The following SNPH variants were observed in gnomAD, a reference collection of about 807,000 sequenced individuals.
SNPH encodes syntaphilin.
In SNPH, 10 loss-of-function variants were observed where a neutral mutation model predicts 36.8. The observed-to-expected ratio is 0.27, with a 90% CI of 0.17 to 0.46. The LOEUF (loss-of-function observed/expected upper bound fraction) is 0.46. SNPH is among the 20% of genes least tolerant of loss of function. SNPH has a pLI of 1.00. For synonymous variants in SNPH, 281 were observed against 312.2 expected, an observed-to-expected ratio of 0.90 and a Z score of 1.05; for missense variants, 622 against 744.0, an observed-to-expected ratio of 0.84 and a Z score of 1.91.
rs374119363 is a variant in SNPH at position 1,296,479 on chromosome 20, G to T, written c.182+58G>T. The T allele has an allele frequency of 6.4e-5, 94 of 1,459,432 alleles. No individual in the cohort carries two copies. In the African/African-American group the frequency reaches 1.1e-3, roughly 17 times the overall value. 90.4% of individuals were successfully genotyped at this position (1,459,432 alleles called of 1,614,324 possible). A position where few individuals can be genotyped will look rare whatever the true frequency, so the allele number is the denominator to read the frequency against. ...CGGAGGGCGGGAGGAGGGCGCACGG[G>T]CCTCTCTCTACCTGCCACCAACTTG... On this transcript the variant is annotated intron_variant, in intron 4 of 6. Coordinates refer to ENST00000381867, the MANE Select transcript of SNPH (RefSeq NM_001318234.2).
intron 2 of SNPH, among the ~76,000 whole-genome samples, chr20:1,274,417 C>T (rs539594743): frequency 6.6e-6 from 1 of 151,830 alleles, no homozygotes; most frequent in Admixed American, 6.6e-5. Flanking sequence ...GCTGGCACCT[C>T]ATCTCTGGGC....
At chr20:1,286,089 T>TAAAAAAA (rs11475556) in intron 2 of SNPH, among the ~76,000 whole-genome samples, 1 of 100,498 alleles carries the variant, frequency 1.0e-5, no homozygotes, top group Admixed American at 1.2e-4. Flanking sequence ...GACTCCATCT[T>TAAAAAAA]AAAAAAAAAA....
At chr20:1,302,744 C>T (rs940737232) in intron 6 of SNPH, among the ~76,000 whole-genome samples, 5 of 152,250 alleles carry the variant, frequency 3.3e-5, no homozygotes, top group Middle Eastern at 3.2e-3. Flanking sequence ...ATGACCACAT[C>T]GTTCTTGACC....
chr20:1,296,371 C>T lies in SNPH; in HGVS notation c.132C>T (p.Leu44=), dbSNP rs2088434730. ...PIPPLTRTHS[L]MAMSLPGSRR... is the part of the protein sequence containing the mutation. The stretch of plus-strand genomic sequence containing the variant: ...CACCCCTTACTCGGACCCACAGCCT[C>T]ATGGCCATGTCCCTGCCAGGAAGTA... Residue 44 remains leucine (L), a synonymous_variant, in exon 4 of 7, where the codon CTC becomes CTT. Transcript: ENST00000381867. 1 of 1,604,582 alleles carries T rather than the reference C, an allele frequency of 6.2e-7. No homozygotes were observed. Among genetic ancestry groups the T allele is most frequent in the East Asian group, 2.3e-5 (1 of 43,664 alleles).
At chr20:1,270,728 A>G (rs780683865) in intron 2 of SNPH, among the ~76,000 whole-genome samples, 1 of 152,172 alleles carries the variant, frequency 6.6e-6, no homozygotes, top group Non-Finnish European at 1.5e-5. Flanking sequence ...TGTGCCTATA[A>G]TCATCTGATA....
intron 2 of SNPH, among the ~76,000 whole-genome samples, chr20:1,290,836 C>T (rs1447077711): frequency 6.6e-6 from 1 of 152,246 alleles, no homozygotes; most frequent in Non-Finnish European, 1.5e-5. Flanking sequence ...TCCAACTTCT[C>T]CACATCCTTG....
chr20:1,277,919 CTG>C (rs538614375), intron 2 of SNPH, among the ~76,000 whole-genome samples: 10 of 126,246 alleles, frequency 7.9e-5, no homozygotes, highest in African/African-American at 1.5e-4. Context: ...GTGTGTGTGC[CTG>C]TGTGTGTCTG....
At chr20:1,283,519 G>A (rs139133400) in intron 2 of SNPH, among the ~76,000 whole-genome samples, 38 of 152,336 alleles carry the variant, frequency 2.5e-4, no homozygotes, top group African/African-American at 8.7e-4. Context: ...TGCCATGCAG[G>A]AATGCAGGCA....
In SNPH at chr20:1,296,195, G is replaced by A. The variant is rs1169804981; in HGVS notation, c.-45G>A. 6.9e-7 allele frequency: 1 copy of A among 1,453,368 alleles called. No individual in the cohort carries two copies. Among genetic ancestry groups the A allele is most frequent in the South Asian group, 1.4e-5 (1 of 69,776 alleles). 90.0% of individuals were successfully genotyped at this position (1,453,368 alleles called of 1,614,324 possible). ...GGTGGAGGCAGCCGTGGTCTGCCAG[G>A]CCCTCGCTCCTGGGGTGTCCTGCCG... On this transcript the variant is annotated 5_prime_UTR_variant, in exon 4 of 7. Coordinates refer to ENST00000381867, the MANE Select transcript of SNPH (RefSeq NM_001318234.2).
At position 1,304,801 on chromosome 20, in the gene SNPH, C is replaced by T; in HGVS notation, c.441-77C>T. ...GGCCCTTCATCCTTGGCAACAGTGT[C>T]CTCTCCCTGCCTCTCCTTGGCGGTG... On this transcript the variant is annotated intron_variant, in intron 6 of 6. Coordinates refer to ENST00000381867, the MANE Select transcript of SNPH (RefSeq NM_001318234.2). The surrounding 1 kb of genome is among the most constrained non-coding windows in gnomAD (Gnocchi z 4.3). 8.5e-6 allele frequency: 12 copies of T among 1,410,022 alleles called. No homozygotes were observed. Among genetic ancestry groups the T allele is most frequent in the Non-Finnish European group, 1.2e-5 (12 of 1,015,886 alleles). The allele number at this position is 1,410,022 out of a possible 1,614,324, so 87.3% of individuals were successfully genotyped here.
chr20:1,281,979 G>A (rs1196094279), intron 2 of SNPH, among the ~76,000 whole-genome samples: 1 of 152,246 alleles, frequency 6.6e-6, no homozygotes, highest in African/African-American at 2.4e-5. Flanking sequence ...GGTGGAGGGT[G>A]GGGGTGAAGA....
chr20:1,294,136 G>A lies in SNPH; in HGVS notation c.-492-815G>A, dbSNP rs2088398501. ...TTGTTGGTGAAGCCAGGCCGACCTG[G>A]GCCAGAAGCCAGAGCATGTCACACC... On this transcript the variant is annotated intron_variant, in intron 2 of 6. Transcript: ENST00000381867. The surrounding 1 kb of genome is among the most constrained non-coding windows in gnomAD (Gnocchi z 4.4). Among the ~76,000 whole-genome samples, 1 of 152,206 alleles carries A rather than the reference G, an allele frequency of 6.6e-6. No individual in the cohort carries two copies. Among genetic ancestry groups the A allele is most frequent in the Non-Finnish European group, 1.5e-5 (1 of 68,038 alleles).
chr20:1,273,937 C>G (rs1166475683), intron 2 of SNPH, among the ~76,000 whole-genome samples: 1 of 152,150 alleles, frequency 6.6e-6, no homozygotes, highest in Admixed American at 6.5e-5. Context: ...AGATGCCAGT[C>G]TCTTTGGCAT....
Position 1,305,103 on chromosome 20 carries a change from G to T in SNPH, c.666G>T (p.Glu222Asp). The change falls in exon 7 of 7, where the codon GAG (glutamate) becomes GAT (aspartate). Residue 222 changes from glutamate (E) to aspartate (D), a missense_variant. Glu to Asp is a conservative substitution (Grantham distance 45). Coordinates refer to ENST00000381867, the MANE Select transcript of SNPH (RefSeq NM_001318234.2). ...TCAACATCCAGAACAAGAAGCTGGAGACGCTGCTGCACAGCATGGAGGTGG... is the reference window on the plus strand; with the variant it reads ...TCAACATCCAGAACAAGAAGCTGGATACGCTGCTGCACAGCATGGAGGTGG... ...VDINIQNKKL[E>D]TLLHSMEVAQ... The T allele has an allele frequency of 6.2e-7, 1 of 1,613,966 alleles. No homozygotes were observed. The highest frequency in any genetic ancestry group is 8.5e-7 in the Non-Finnish European group (1 of 1,180,038).
chr20:1,305,648 A>ACCCC lies in SNPH; in HGVS notation c.1212_1215dup (p.Asn406ProfsTer11). The ACCCC allele has an allele frequency of 6.2e-7, 1 of 1,613,208 alleles. No individual in the cohort carries two copies. The highest frequency in any genetic ancestry group is 8.5e-7 in the Non-Finnish European group (1 of 1,179,894). On this transcript the variant is annotated frameshift_variant, in exon 7 of 7. Coordinates refer to ENST00000381867, the MANE Select transcript of SNPH (RefSeq NM_001318234.2). LOFTEE classifies it high-confidence loss of function. Reference sequence around the variant, plus strand: ...GATGCCCACCCTTCAGGGCCCAGAGACCCCAACTCAGCAGTGGTGGTGACA... The same window carrying ACCCC: ...GATGCCCACCCTTCAGGGCCCAGAGACCCCCCCCAACTCAGCAGTGGTGGTGACA...
In SNPH at chr20:1,308,189, C is replaced by T. The variant is rs1006268630; in HGVS notation, c.*2135C>T. 2 of 153,180 alleles carry T rather than the reference C, an allele frequency of 1.3e-5. No individual in the cohort carries two copies. The highest frequency in any genetic ancestry group is 2.9e-5 in the Non-Finnish European group (2 of 68,816). 9.5% of individuals were successfully genotyped at this position (153,180 alleles called of 1,614,324 possible). ...GGGCTGGGGCCACAGTCTACTCTGTCTCTGCTGCTAGAGAAGCCACCTGTG... is the reference window on the plus strand; with the variant it reads ...GGGCTGGGGCCACAGTCTACTCTGTTTCTGCTGCTAGAGAAGCCACCTGTG... On this transcript the variant is annotated 3_prime_UTR_variant, in exon 7 of 7. Coordinates refer to ENST00000381867, the MANE Select transcript of SNPH (RefSeq NM_001318234.2).
rs1369070304 is a variant in SNPH at position 1,285,286 on chromosome 20, G to T, written c.-492-9665G>T. On this transcript the variant is annotated intron_variant, in intron 2 of 6. Coordinates refer to ENST00000381867, the MANE Select transcript of SNPH (RefSeq NM_001318234.2). The surrounding 1 kb of genome is among the most constrained non-coding windows in gnomAD (Gnocchi z 4.9). Reference sequence around the variant, plus strand: ...AGTGGCGGTGTCCTGAAATCCTGTTGTTTGGTAGACAATGACCGGTTTAGG... The same window carrying T: ...AGTGGCGGTGTCCTGAAATCCTGTTTTTTGGTAGACAATGACCGGTTTAGG... 2.0e-5 allele frequency among the ~76,000 whole-genome samples: 3 copies of T among 152,178 alleles called. No individual in the cohort carries two copies. The highest frequency in any genetic ancestry group is 2.9e-5 in the Non-Finnish European group (2 of 68,010).
At chr20:1,293,751 G>A (rs2088392639) in intron 2 of SNPH, among the ~76,000 whole-genome samples, 2 of 152,130 alleles carry the variant, frequency 1.3e-5, no homozygotes, top group Non-Finnish European at 2.9e-5. Flanking sequence ...TTAGCTATAC[G>A]CAGGTACAAG....
intron 2 of SNPH, among the ~76,000 whole-genome samples, chr20:1,272,144 C>T (rs143001628): frequency 1.4e-4 from 21 of 152,304 alleles, no homozygotes; most frequent in Admixed American, 1.4e-3. Flanking sequence ...AAACTCACTG[C>T]ATTGTCTGTA....
Sources: gnomAD v4.1 joint callset for allele counts (sites outside exome capture counted in the v4.1 genomes callset) on GRCh38, gnomAD v4.1.1 for gene constraint, Gnocchi (gnomAD v3.1) non-coding constraint, MANE v1.5 for transcripts, NCBI Gene and HGNC (gene_info 2026-07-23, HGNC 2026-07-21) for gene names.